Variants in TBL1X observed in about 807,000 individuals in gnomAD.
TBL1X encodes F-box-like/WD repeat-containing protein TBL1X.
Under a neutral mutation model 50.7 loss-of-function variants are expected in TBL1X, and 10 were observed. That is an observed-to-expected ratio of 0.20 (90% CI 0.12 to 0.33). The LOEUF (loss-of-function observed/expected upper bound fraction) is 0.33, where lower values mean the gene tolerates loss of function less well. Among genes scored for constraint, TBL1X ranks in the 10% least tolerant of loss-of-function variants. The probability of loss-of-function intolerance (pLI) is 1.00; values close to 1 mark genes in which losing one functional copy is unlikely to be tolerated. For synonymous variants in TBL1X, 190 were observed against 214.7 expected, an observed-to-expected ratio of 0.88 and a Z score of 1.01; for missense variants, 340 against 504.4, an observed-to-expected ratio of 0.67 and a Z score of 3.12.
intron 5 of TBL1X, among the ~76,000 whole-genome samples, chrX:9,675,552 A>G (rs1054502955): frequency 3.6e-5 from 4 of 111,701 alleles, no homozygotes; most frequent in Non-Finnish European, 5.6e-5. Flanking sequence ...GAGAACAGGG[A>G]TACAATATTC....
chrX:9,498,637 C>T (rs1026602130), intron 1 of TBL1X, among the ~76,000 whole-genome samples: 2 of 112,525 alleles, frequency 1.8e-5, no homozygotes, highest in African/African-American at 3.2e-5. Flanking sequence ...GCCTTCTTCG[C>T]GAGTATCTGA....
chrX:9,586,836 G>A (rs1175208102), intron 2 of TBL1X, among the ~76,000 whole-genome samples: 1 of 111,787 alleles, frequency 8.9e-6, no homozygotes, highest in Admixed American at 9.5e-5. Context: ...GGAGGTCAAG[G>A]CTGCAGTGAG....
intron 2 of TBL1X, among the ~76,000 whole-genome samples, chrX:9,633,295 T>C (rs960661084): frequency 1.8e-5 from 2 of 111,938 alleles, no homozygotes; most frequent in South Asian, 7.6e-4. Flanking sequence ...AGGGGACTCT[T>C]CAGAGTTGCC....
intron 3 of TBL1X, among the ~76,000 whole-genome samples, chrX:9,652,880 A>C (rs1177113987): frequency 9.1e-6 from 1 of 110,468 alleles, no homozygotes; most frequent in African/African-American, 3.3e-5. Flanking sequence ...AGAAAGAAAA[A>C]AAGAGGCCAG....
chrX:9,641,879 T>C (rs1252787127), intron 3 of TBL1X, among the ~76,000 whole-genome samples: 1 of 112,110 alleles, frequency 8.9e-6, no homozygotes, highest in Non-Finnish European at 1.9e-5. Context: ...GAGTTGTATT[T>C]CCCTTTTGGT....
intron 13 of TBL1X, among the ~76,000 whole-genome samples, chrX:9,706,102 G>A (rs1358040797): frequency 2.7e-5 from 3 of 111,331 alleles, no homozygotes; most frequent in South Asian, 3.8e-4. Flanking sequence ...CCCATGATCC[G>A]GACACCTCCC....
intron 5 of TBL1X, among the ~76,000 whole-genome samples, chrX:9,660,463 A>G (rs1186407588): frequency 1.8e-5 from 2 of 112,295 alleles, no homozygotes; most frequent in Non-Finnish European, 3.8e-5. Flanking sequence ...GTAAAAATCC[A>G]CTTCTCACAC....
intron 5 of TBL1X, among the ~76,000 whole-genome samples, chrX:9,669,166 A>G (rs1455455294): frequency 9.0e-6 from 1 of 111,580 alleles, no homozygotes; most frequent in Non-Finnish European, 1.9e-5. Context: ...CCACTTTTCT[A>G]ACTTGGACTC....
At chrX:9,554,581 C>T (rs2082286349) in intron 2 of TBL1X, among the ~76,000 whole-genome samples, 1 of 112,253 alleles carries the variant, frequency 8.9e-6, no homozygotes, top group Non-Finnish European at 1.9e-5. Flanking sequence ...CCTCGCAGAT[C>T]CCAGAGCAAA....
intron 2 of TBL1X, among the ~76,000 whole-genome samples, chrX:9,556,854 T>C (rs1009744553): frequency 2.7e-5 from 3 of 109,410 alleles, no homozygotes; most frequent in Admixed American, 9.8e-5. Flanking sequence ...GCTGCCCATA[T>C]TCCTTAGCTC....
At chrX:9,500,629 A>G (rs1005359208) in intron 1 of TBL1X, among the ~76,000 whole-genome samples, 1 of 111,664 alleles carries the variant, frequency 9.0e-6, no homozygotes, top group East Asian at 2.8e-4. Context: ...TCCAAACAGA[A>G]CCTGCACCTA....
intron 12 of TBL1X, among the ~76,000 whole-genome samples, chrX:9,699,730 C>T (rs986003722): frequency 9.0e-6 from 1 of 111,602 alleles, no homozygotes; most frequent in African/African-American, 3.3e-5. Context: ...ATATTCCATG[C>T]AGTACTTCAG....
At chrX:9,691,454 A>AT in intron 7 of TBL1X, 125 bp from the exon 8 acceptor site, 1 of 692,085 alleles carries the variant, frequency 1.4e-6, no homozygotes, top group Non-Finnish European at 2.0e-6. Context: ...AAAAAAAAAA[A>AT]GAAAAGGAAT....
In TBL1X at chrX:9,709,635, C is replaced by G. The variant is rs370198562; in HGVS notation, c.1314C>G (p.Ile438Met). Residue 438 changes from isoleucine (I) to methionine (M), a missense_variant and splice_region_variant, in exon 15 of 18, where the codon ATC becomes ATG. Physicochemically the swap from Ile to Met is conservative, Grantham distance 10. Around this residue, in one of 6 missense-constraint regions of TBL1X, gnomAD observed 170 missense variants for 272.6 expected, o/e 0.62. Coordinates refer to ENST00000645353, the MANE Select transcript of TBL1X (RefSeq NM_005647.4). ...ASCSDDMTLKIWSMKQEVCIH... is the reference protein window; with the variant it reads ...ASCSDDMTLKMWSMKQEVCIH... Reference sequence around the variant, plus strand: ...GTTGTGTCTGGTGTGTTCTGTAGATCTGGAGCATGAAACAGGAGGTGTGCA... The same window carrying G: ...GTTGTGTCTGGTGTGTTCTGTAGATGTGGAGCATGAAACAGGAGGTGTGCA... 16 of 1,208,410 alleles carry G rather than the reference C, an allele frequency of 1.3e-5. No individual in the cohort carries two copies. The East Asian group carries it at 1.5e-4, about 11-fold the overall frequency.
intron 2 of TBL1X, among the ~76,000 whole-genome samples, chrX:9,585,280 A>C: frequency 9.2e-6 from 1 of 108,907 alleles, no homozygotes. Flanking sequence ...AACTTTTAAT[A>C]CATGGATCTA....
chrX:9,704,596 G>T (rs757084512), intron 12 of TBL1X, among the ~76,000 whole-genome samples: 9 of 111,770 alleles, frequency 8.1e-5, no homozygotes, highest in Admixed American at 2.8e-4. Flanking sequence ...ACTAAATGGG[G>T]CTTCTTGGCT....
In TBL1X at chrX:9,679,207, G is replaced by A. The variant is rs115253511; in HGVS notation, c.212-4836G>A. 4.5e-3 allele frequency among the ~76,000 whole-genome samples: 487 copies of A among 108,574 alleles called. 4 individuals are homozygous for A. Among genetic ancestry groups the A allele is most frequent in the African/African-American group, 0.014 (403 of 29,795 alleles). The allele number at this position is 108,574 out of a possible 115,157, so 94.3% of individuals were successfully genotyped here. A position where few individuals can be genotyped will look rare whatever the true frequency, so the allele number is the denominator to read the frequency against. On this transcript the variant is annotated intron_variant, in intron 5 of 17. Coordinates refer to ENST00000645353, the MANE Select transcript of TBL1X (RefSeq NM_005647.4). The stretch of plus-strand genomic sequence containing the variant: ...AGAGCTGGGGGTAGTGGCCTTTCAG[G>A]GTGTCAATTCCCCAACCATGGTGGG...
At chrX:9,503,641 C>T (rs1010163937) in intron 2 of TBL1X, among the ~76,000 whole-genome samples, 1 of 113,400 alleles carries the variant, frequency 8.8e-6, no homozygotes, top group Non-Finnish European at 1.9e-5. Context: ...CACAGCCCAA[C>T]ACACTGGCTG....
At chrX:9,466,389 C>T (rs1451104855) in intron 1 of TBL1X, among the ~76,000 whole-genome samples, 4 of 112,547 alleles carry the variant, frequency 3.6e-5, no homozygotes, top group African/African-American at 9.7e-5. Context: ...TCCGTCAGAC[C>T]GGGGCCGGGG....
Sources: allele counts gnomAD v4.1 joint callset (sites outside exome capture counted in the v4.1 genomes callset), GRCh38; gene constraint gnomAD v4.1.1; regional missense constraint gnomAD v4.1.1; transcripts MANE v1.5; gene names NCBI Gene and HGNC (gene_info 2026-07-23, HGNC 2026-07-21).